The following UBE2L5 variants were observed in gnomAD, a reference collection of about 807,000 sequenced individuals.
The protein encoded by UBE2L5 is ubiquitin-conjugating enzyme E2 L5.
In UBE2L5, 3 loss-of-function variants were observed where a neutral mutation model predicts 10.0. The observed-to-expected ratio is 0.30, with a 90% CI of 0.14 to 0.78. The LOEUF is 0.78. Among genes scored for constraint, UBE2L5 ranks in the 30% least tolerant of loss-of-function variants. UBE2L5 has a pLI of 0.65. For missense variants in UBE2L5, 131 were observed against 193.3 expected (o/e 0.68, Z 1.91); for synonymous variants, 60 against 71.9 (o/e 0.83, Z 0.83).
chr13:30,428,632 GA>G lies in UBE2L5; in HGVS notation c.*180del. 1.7e-6 allele frequency: 1 copy of G among 599,038 alleles called. No homozygotes were observed. Among genetic ancestry groups the G allele is most frequent in the Non-Finnish European group, 2.7e-6 (1 of 372,568 alleles). The allele number at this position is 599,038 out of a possible 1,614,324, so 37.1% of individuals were successfully genotyped here. A position where few individuals can be genotyped will look rare whatever the true frequency, so the allele number is the denominator to read the frequency against. ...AAAAGTGGTCTAGGTAACCTGTAAA[GA>G]AAGGATTAAAAATTTAAGATGTTCT... On this transcript the variant is annotated 3_prime_UTR_variant, in exon 4 of 4. Coordinates refer to ENST00000635918, the MANE Select transcript of UBE2L5 (RefSeq NM_001355247.2).
At chr13:30,425,335 A>T (rs1260511386) in intron 2 of UBE2L5, among the ~76,000 whole-genome samples, 4 of 152,132 alleles carry the variant, frequency 2.6e-5, no homozygotes, top group Non-Finnish European at 1.5e-5. Flanking sequence ...CCAATTGTCT[A>T]CTTATCACTT....
intron 1 of UBE2L5, among the ~76,000 whole-genome samples, chr13:30,423,078 C>T (rs1247314094): frequency 6.6e-6 from 1 of 152,168 alleles, no homozygotes; most frequent in Non-Finnish European, 1.5e-5. Flanking sequence ...AAACTTACTG[C>T]TTTAGAATGT....
At position 30,429,070 on chromosome 13, in the gene UBE2L5, A is replaced by G. The variant is rs1885584187; in HGVS notation, c.*615A>G. 6.6e-6 allele frequency among the ~76,000 whole-genome samples: 1 copy of G among 152,110 alleles called. No homozygotes were observed. The highest frequency in any genetic ancestry group is 2.1e-4 in the South Asian group (1 of 4,828). ...TGGATCACCTGAGGTCAGGAGTTCG[A>G]GACCAGCCTGGCCAACGTGGTGAAA... is the stretch of plus-strand genomic sequence containing the variant. On this transcript the variant is annotated 3_prime_UTR_variant, in exon 4 of 4. Transcript: ENST00000635918.
Position 30,429,289 on chromosome 13 carries a change from C to T in UBE2L5, c.*834C>T, listed in dbSNP as rs184583517. ...AACAAGAGCAAAACTCTGTCCCCCC[C>T]CCACAAAAAAAAATTGATTGAAATA... On this transcript the variant is annotated 3_prime_UTR_variant, in exon 4 of 4. Transcript: ENST00000635918. Among the ~76,000 whole-genome samples, 1 of 151,490 alleles carries T rather than the reference C, an allele frequency of 6.6e-6. No individual in the cohort carries two copies. The highest frequency in any genetic ancestry group is 6.6e-5 in the Admixed American group (1 of 15,208).
chr13:30,428,357 G>T lies in UBE2L5; in HGVS notation c.367G>T (p.Ala123Ser). Reference sequence around the variant, plus strand: ...CCCGCAGCCCGAGCACCCGCTTCGGGCTGACCTAGCTGAAGAATACTCTAA... The same window carrying T: ...CCCGCAGCCCGAGCACCCGCTTCGGTCTGACCTAGCTGAAGAATACTCTAA... ...NDPQPEHPLRADLAEEYSNDR... is the reference protein window; with the variant it reads ...NDPQPEHPLRSDLAEEYSNDR... The change falls in exon 4 of 4, where the codon GCT (alanine) becomes TCT (serine). Residue 123 changes from alanine (A) to serine (S), a missense_variant. By Grantham distance (99) the Ala-to-Ser change is moderately conservative. Coordinates refer to ENST00000635918, the MANE Select transcript of UBE2L5 (RefSeq NM_001355247.2). The T allele has an allele frequency of 6.2e-7, 1 of 1,611,860 alleles. No individual in the cohort carries two copies.
chr13:30,426,368 G>A (rs574456134), intron 2 of UBE2L5, among the ~76,000 whole-genome samples: 69 of 152,226 alleles, frequency 4.5e-4, no homozygotes, highest in African/African-American at 1.6e-3. Flanking sequence ...CAAAAGTGAG[G>A]GGTCAGGAGG....
chr13:30,424,159 G>C (rs1885506598), intron 1 of UBE2L5, among the ~76,000 whole-genome samples: 1 of 152,140 alleles, frequency 6.6e-6, no homozygotes, highest in South Asian at 2.1e-4. Flanking sequence ...AGTGTTAGGT[G>C]TGAGGGTGAC....
chr13:30,428,225 A>G lies in UBE2L5; in HGVS notation c.235A>G (p.Ile79Val). 1 of 1,609,958 alleles carries G rather than the reference A, an allele frequency of 6.2e-7. No homozygotes were observed. Among genetic ancestry groups the G allele is most frequent in the Non-Finnish European group, 8.5e-7 (1 of 1,176,414 alleles). The change falls in exon 4 of 4, where the codon ATC becomes GTC. Residue 79 changes from isoleucine (I) to valine (V), a missense_variant. By Grantham distance (29) the Ile-to-Val change is conservative. Coordinates refer to ENST00000635918, the MANE Select transcript of UBE2L5 (RefSeq NM_001355247.2). ...TAAAACAAAGATCTATCACCCGAACATCGACGAAAAGGGGCAGGTCTGTCT... is the reference window on the plus strand; with the variant it reads ...TAAAACAAAGATCTATCACCCGAACGTCGACGAAAAGGGGCAGGTCTGTCT... ...TFKTKIYHPN[I>V]DEKGQVCLPV...
chr13:30,427,846 T>C lies in UBE2L5; in HGVS notation c.-145T>C. On this transcript the variant is annotated 5_prime_UTR_variant, in exon 4 of 4. Transcript: ENST00000635918. The stretch of plus-strand genomic sequence containing the variant: ...AATGTATAGGATTGTGGATGATCAC[T>C]CTAACCAACCAGTGGGCAAGTTGCT... 3 of 695,680 alleles carry C rather than the reference T, an allele frequency of 4.3e-6. No individual in the cohort carries two copies. The allele number at this position is 695,680 out of a possible 1,614,324, so 43.1% of individuals were successfully genotyped here. A position where few individuals can be genotyped will look rare whatever the true frequency, so the allele number is the denominator to read the frequency against.
At position 30,428,383 on chromosome 13, in the gene UBE2L5, C is replaced by T. The variant is rs946159185; in HGVS notation, c.393C>T (p.Asn131=). ...CTGACCTAGCTGAAGAATACTCTAA[C>T]GACCGTAAAAAATTCTGTAAGAATG... ...LRADLAEEYS[N]DRKKFCKNAE... Residue 131 remains asparagine (N), a synonymous_variant, in exon 4 of 4, where the codon AAC becomes AAT. Transcript: ENST00000635918. 3.5e-5 allele frequency: 56 copies of T among 1,611,418 alleles called. 1 individual carries two copies. The East Asian group carries it at 4.2e-4, about 12-fold the overall frequency.
At chr13:30,422,835 C>A (rs982147729) in intron 1 of UBE2L5, among the ~76,000 whole-genome samples, 158 bp downstream of exon 1, 7 of 152,120 alleles carry the variant, frequency 4.6e-5, no homozygotes, top group African/African-American at 1.7e-4. Context: ...AATGCACACA[C>A]GTTGCAAAAA....
chr13:30,427,665 A>G lies in UBE2L5; in HGVS notation c.-326A>G. On this transcript the variant is annotated 5_prime_UTR_variant, in exon 4 of 4. It removes an upstream start codon present in the reference 5' UTR. Transcript: ENST00000635918. ...AAATACAAAAAAAAGTTAGCTGTGC[A>G]TGGTGGCACGTGCCTGTAATCACAG... is the stretch of plus-strand genomic sequence containing the variant. 1 of 334,634 alleles carries G rather than the reference A, an allele frequency of 3.0e-6. No homozygotes were observed. Among genetic ancestry groups the G allele is most frequent in the Non-Finnish European group, 5.4e-6 (1 of 185,136 alleles). The allele number at this position is 334,634 out of a possible 1,614,324, so 20.7% of individuals were successfully genotyped here.
In UBE2L5 at chr13:30,429,480, G is replaced by T. The variant is rs1013126952; in HGVS notation, c.*1025G>T. ...TCTCATTTTGGCTGGGCTGCTCTGA[G>T]GTGCTGCATCTTTTATAGTGTCTAG... On this transcript the variant is annotated 3_prime_UTR_variant, in exon 4 of 4. Coordinates refer to ENST00000635918, the MANE Select transcript of UBE2L5 (RefSeq NM_001355247.2). Among the ~76,000 whole-genome samples, 1 of 152,086 alleles carries T rather than the reference G, an allele frequency of 6.6e-6. No individual in the cohort carries two copies. Among genetic ancestry groups the T allele is most frequent in the Non-Finnish European group, 1.5e-5 (1 of 68,024 alleles).
chr13:30,428,445 C>T lies in UBE2L5; in HGVS notation c.455C>T (p.Pro152Leu), dbSNP rs1462765942. The change falls in exon 4 of 4, where the codon CCT (proline) becomes CTT (leucine). Residue 152 changes from proline to leucine, a missense_variant. Physicochemically the swap from Pro to Leu is moderately conservative, Grantham distance 98 (BLOSUM62 -3). Coordinates refer to ENST00000635918, the MANE Select transcript of UBE2L5 (RefSeq NM_001355247.2). ...ACAAAGAAATATGGGGAAAAGCGAC[C>T]TGTGGACTAAAATGTGCCACGATTG... ...EFTKKYGEKRPVD is the reference protein window; with the variant it reads ...EFTKKYGEKRLVD The T allele has an allele frequency of 1.8e-5, 29 of 1,610,886 alleles. No homozygotes were observed. The highest frequency in any genetic ancestry group is 2.5e-5 in the Non-Finnish European group (29 of 1,179,538).
chr13:30,423,837 T>C (rs1277131078), intron 1 of UBE2L5, among the ~76,000 whole-genome samples: 1 of 152,214 alleles, frequency 6.6e-6, no homozygotes, highest in African/African-American at 2.4e-5. Context: ...GGTAGGGATA[T>C]ACCTTCATGC....
rs1389486227 is a variant in UBE2L5, at chr13:30,423,880, C to T, written c.-778-928C>T. 4.6e-5 allele frequency among the ~76,000 whole-genome samples: 7 copies of T among 152,164 alleles called. No homozygotes were observed. The South Asian group carries it at 1.0e-3, about 22-fold the overall frequency. On this transcript the variant is annotated intron_variant, in intron 1 of 3. Transcript: ENST00000635918. ...TGCACAGACAGGTTCTGATGGAAAC[C>T]GTTTTCACTAAACCATGTCCCAGTT...
intron 2 of UBE2L5, among the ~76,000 whole-genome samples, chr13:30,425,512 A>G (rs1885524400): frequency 6.6e-6 from 1 of 152,128 alleles, no homozygotes. Flanking sequence ...ACCATTCAAT[A>G]CCATCTCTAA....
Position 30,428,084 on chromosome 13 carries a change from T to G in UBE2L5, c.94T>G (p.Leu32Val). The G allele has an allele frequency of 6.2e-6, 10 of 1,611,022 alleles. No individual in the cohort carries two copies. The highest frequency in any genetic ancestry group is 5.0e-5 in the Admixed American group (3 of 60,004). ...FRNIQVDEAN[L>V]LTWQGLIVPD... Reference sequence around the variant, plus strand: ...TAACATCCAGGTTGATGAAGCTAATTTATTGACTTGGCAAGGGCTTATTGT... The same window carrying G: ...TAACATCCAGGTTGATGAAGCTAATGTATTGACTTGGCAAGGGCTTATTGT... The change falls in exon 4 of 4, where the codon TTA becomes GTA. Residue 32 changes from leucine (L) to valine (V), a missense_variant. Leu to Val is a conservative substitution (Grantham distance 32). Transcript: ENST00000635918.
intron 1 of UBE2L5, among the ~76,000 whole-genome samples, 162 bp from the exon 2 acceptor site, chr13:30,424,646 G>A (rs1380893792): frequency 1.3e-5 from 2 of 152,206 alleles, no homozygotes; most frequent in Non-Finnish European, 2.9e-5. Context: ...AACTACCTCT[G>A]TGGATTATTG....
Sources: allele counts gnomAD v4.1 joint callset (sites outside exome capture counted in the v4.1 genomes callset), GRCh38; gene constraint gnomAD v4.1.1; transcripts MANE v1.5; gene names NCBI Gene and HGNC (gene_info 2026-07-23, HGNC 2026-07-21).